Variants in ADGRE1 observed in about 807,000 individuals in gnomAD.
The protein encoded by ADGRE1 is EGF-like module receptor 1.
In ADGRE1, 82 loss-of-function variants were observed where a neutral mutation model predicts 102.7. The ratio of observed to expected loss-of-function variants is 0.80; its 90% CI spans 0.67 to 0.96. ADGRE1 has a LOEUF of 0.96. ADGRE1 is among the 40% of genes least tolerant of loss of function. ADGRE1 has a pLI of 0.00. For missense variants in ADGRE1, 1,032 were observed against 1,085.3 expected (o/e 0.95, Z 0.69); for synonymous variants, 398 against 399.6 (o/e 1.00, Z 0.05).
At position 6,887,645 on chromosome 19, in the gene ADGRE1, T is replaced by C; in HGVS notation, c.31+6T>C. ...CAACCTGCTCCTCTTCTGGGGTGAG[T>C]GTGAGGCTGAATGGGGGGCTAGGGG... On this transcript the variant is annotated splice_donor_region_variant and intron_variant, in intron 1 of 20. Coordinates refer to ENST00000312053, the MANE Select transcript of ADGRE1 (RefSeq NM_001974.5). The C allele has an allele frequency of 1.2e-6, 2 of 1,608,738 alleles. No homozygotes were observed. The highest frequency in any genetic ancestry group is 1.7e-6 in the Non-Finnish European group (2 of 1,177,974).
chr19:6,924,900 C>T, intron 15 of ADGRE1, 28 bp downstream of exon 15: 2 of 1,609,380 alleles, frequency 1.2e-6, no homozygotes, highest in Non-Finnish European at 1.7e-6. Flanking sequence ...TGTGTCCCCA[C>T]CAAGCCCCAT....
At position 6,924,818 on chromosome 19, in the gene ADGRE1, TCTC is replaced by T; in HGVS notation, c.1936_1938del (p.Leu647del). On this transcript the variant is annotated inframe_deletion, in exon 15 of 21. Coordinates refer to ENST00000312053, the MANE Select transcript of ADGRE1 (RefSeq NM_001974.5). ...ACCTCCACCTGCACCTCTGCGTGTG[TCTC>T]CTCTTGGCGAAGACTCTCTTCCTCG... The T allele has an allele frequency of 6.2e-7, 1 of 1,614,046 alleles. No individual in the cohort carries two copies. Among genetic ancestry groups the T allele is most frequent in the South Asian group, 1.1e-5 (1 of 91,068 alleles).
intron 15 of ADGRE1, 75 bp downstream of exon 15, chr19:6,924,947 TC>T: frequency 6.8e-7 from 1 of 1,480,518 alleles, no homozygotes; most frequent in Admixed American, 1.8e-5. Flanking sequence ...CCTAGCCAAC[TC>T]CCTCTATCCC....
chr19:6,916,126 A>G, intron 11 of ADGRE1, 123 bp from the exon 12 acceptor site: 2 of 1,099,034 alleles, frequency 1.8e-6, no homozygotes, highest in Admixed American at 2.3e-5. Context: ...CCTATGATGA[A>G]TTGAACTTTC....
At chr19:6,930,071 T>C (rs982014698) in intron 17 of ADGRE1, among the ~76,000 whole-genome samples, 6 of 152,264 alleles carry the variant, frequency 3.9e-5, no homozygotes, top group Admixed American at 3.9e-4. Context: ...TACCGGCTGC[T>C]CTCCATTAGA....
chr19:6,896,353 C>G, intron 2 of ADGRE1, 45 bp from the exon 3 acceptor site: 5 of 1,598,430 alleles, frequency 3.1e-6, no homozygotes, highest in Non-Finnish European at 4.3e-6. Context: ...CAGCCTCACT[C>G]TAATGCTCTA....
intron 5 of ADGRE1, among the ~76,000 whole-genome samples, chr19:6,898,907 C>T (rs781233811): frequency 1.3e-5 from 2 of 151,976 alleles, no homozygotes; most frequent in Non-Finnish European, 1.5e-5. Flanking sequence ...ATGGTTTGGT[C>T]TTTTTTACAA....
chr19:6,935,874 A>G (rs1368014075), intron 18 of ADGRE1, among the ~76,000 whole-genome samples: 1 of 152,104 alleles, frequency 6.6e-6, no homozygotes, highest in African/African-American at 2.4e-5. Context: ...ATTGTTTTTG[A>G]TGTATTTTCT....
At chr19:6,920,685 T>C (rs891270678) in intron 13 of ADGRE1, among the ~76,000 whole-genome samples, 6 of 151,828 alleles carry the variant, frequency 4.0e-5, no homozygotes, top group African/African-American at 1.5e-4. Flanking sequence ...AACTTTTTTG[T>C]ATTTAGTAGA....
chr19:6,926,640 C>G, intron 16 of ADGRE1, 39 bp downstream of exon 16: 1 of 1,600,368 alleles, frequency 6.2e-7, no homozygotes, highest in Non-Finnish European at 8.6e-7. Flanking sequence ...ACCCTGCTGC[C>G]AGGGCTTATG....
intron 17 of ADGRE1, among the ~76,000 whole-genome samples, chr19:6,934,060 T>C (rs1284116534): frequency 6.6e-6 from 1 of 152,022 alleles, no homozygotes; most frequent in African/African-American, 2.4e-5. Context: ...TGTAGTCCAG[T>C]AGTACGAGAG....
chr19:6,913,983 A>T (rs1974290883), intron 11 of ADGRE1, among the ~76,000 whole-genome samples, 153 bp downstream of exon 11: 1 of 152,282 alleles, frequency 6.6e-6, no homozygotes, highest in South Asian at 2.1e-4. Context: ...TCATATTAAC[A>T]ACATTTTCCA....
At position 6,919,705 on chromosome 19, in the gene ADGRE1, CG is replaced by C; in HGVS notation, c.1580del (p.Gly527AlafsTer31). The C allele has an allele frequency of 6.2e-7, 1 of 1,613,134 alleles. No individual in the cohort carries two copies. Among genetic ancestry groups the C allele is most frequent in the Non-Finnish European group, 8.5e-7 (1 of 1,179,712 alleles). ...GGIMTGEKKD[G>X]FSDPIIYTLE... ...GCATAATGACTGGAGAGAAGAAAGA[CG>C]GCTTCTCAGATCCAATCATCTACAC... On this transcript the variant is annotated frameshift_variant, in exon 13 of 21. Coordinates refer to ENST00000312053, the MANE Select transcript of ADGRE1 (RefSeq NM_001974.5). LOFTEE classifies it high-confidence loss of function.
intron 17 of ADGRE1, 125 bp downstream of exon 17, chr19:6,928,336 C>G: frequency 6.4e-7 from 1 of 1,569,220 alleles, no homozygotes; most frequent in South Asian, 1.1e-5. Flanking sequence ...CAAAAGTTCT[C>G]CTTTCCAGGC....
chr19:6,888,638 G>C (rs2144870080), intron 1 of ADGRE1, among the ~76,000 whole-genome samples: 1 of 152,298 alleles, frequency 6.6e-6, no homozygotes, highest in East Asian at 1.9e-4. Context: ...TCATTAATTG[G>C]TGAAGCCAGA....
chr19:6,919,252 C>G (rs1481136845), intron 12 of ADGRE1, among the ~76,000 whole-genome samples: 1 of 150,880 alleles, frequency 6.6e-6, no homozygotes, highest in East Asian at 2.0e-4. Flanking sequence ...AGGATGGTCT[C>G]GATCTCCTGA....
intron 15 of ADGRE1, among the ~76,000 whole-genome samples, chr19:6,925,764 G>A (rs549065985): frequency 2.3e-4 from 35 of 151,866 alleles, no homozygotes; most frequent in African/African-American, 7.7e-4. Flanking sequence ...TGCAGTGGCC[G>A]AATCACAGCT....
chr19:6,937,949 TTA>T (rs1444527902), intron 20 of ADGRE1, among the ~76,000 whole-genome samples: 9 of 151,554 alleles, frequency 5.9e-5, no homozygotes, highest in African/African-American at 1.5e-4. Context: ...TAATACATAT[TTA>T]TATGTTATGT....
intron 1 of ADGRE1, among the ~76,000 whole-genome samples, chr19:6,890,142 C>G (rs1331770225): frequency 6.6e-6 from 1 of 152,122 alleles, no homozygotes; most frequent in Non-Finnish European, 1.5e-5. Context: ...TGTCAAACTG[C>G]TGGTCTCAAG....
Sources: allele counts gnomAD v4.1 joint callset (sites outside exome capture counted in the v4.1 genomes callset), GRCh38; gene constraint gnomAD v4.1.1; transcripts MANE v1.5; gene names NCBI Gene and HGNC (gene_info 2026-07-23, HGNC 2026-07-21).